EML6: variants seen among roughly 807,000 people sequenced by gnomAD.
EML6 encodes echinoderm microtubule-associated protein-like 6.
Under a neutral mutation model 240.1 loss-of-function variants are expected in EML6, and 154 were observed. That is an observed-to-expected ratio of 0.64 (90% confidence interval 0.56 to 0.73). The LOEUF (loss-of-function observed/expected upper bound fraction) is 0.73, where lower values mean the gene tolerates loss of function less well. Ranked by LOEUF, EML6 falls within the 30% of genes least tolerant of loss-of-function variation. The probability of loss-of-function intolerance (pLI) is 0.00; values close to 1 mark genes in which losing one functional copy is unlikely to be tolerated. For missense variants in EML6, 2,964 were observed against 2,474.6 expected (o/e 1.20, Z -4.20); for synonymous variants, 1,148 against 899.0 (o/e 1.28, Z -4.95).
chr2:54,895,158 A>G, intron 20 of EML6, 115 bp from the exon 21 acceptor site: 1 of 1,331,224 alleles, frequency 7.5e-7, no homozygotes. Flanking sequence ...TTCCTCTGGT[A>G]GAAATGTCAA....
chr2:54,730,058 C>T (rs1683086248), intron 2 of EML6, among the ~76,000 whole-genome samples: 1 of 152,024 alleles, frequency 6.6e-6, no homozygotes, highest in Non-Finnish European at 1.5e-5. Flanking sequence ...ATCTCTTTGG[C>T]CCAGGAGGCA....
intron 2 of EML6, among the ~76,000 whole-genome samples, chr2:54,751,959 T>C (rs1427628055): frequency 6.6e-6 from 1 of 152,202 alleles, no homozygotes; most frequent in African/African-American, 2.4e-5. Flanking sequence ...ATTTTGTGTA[T>C]TTAACTATTT....
At position 54,967,231 on chromosome 2, in the gene EML6, G is replaced by A. The variant is rs1036043839; in HGVS notation, c.5597+128G>A. The A allele has an allele frequency of 9.5e-6, 6 of 633,766 alleles. No individual in the cohort carries two copies. The Admixed American group carries it at 1.1e-4, about 12-fold the overall frequency. 39.3% of individuals were successfully genotyped at this position (633,766 alleles called of 1,614,324 possible). ...AAATGGAGCTGTCTTTTCTTTTGGG[G>A]GTGAGGGTGGGAGGCTTCTTGGCTA... On this transcript the variant is annotated intron_variant, in intron 39 of 41. Coordinates refer to ENST00000356458, the MANE Select transcript of EML6 (RefSeq NM_001039753.4).
chr2:54,807,432 T>G (rs943782387), intron 2 of EML6, among the ~76,000 whole-genome samples: 33 of 152,248 alleles, frequency 2.2e-4, no homozygotes, highest in Admixed American at 1.9e-3. Context: ...CTTTTATGTT[T>G]ATTCTGCATT....
intron 35 of EML6, among the ~76,000 whole-genome samples, chr2:54,960,844 G>A (rs934356994): frequency 6.6e-6 from 1 of 152,066 alleles, no homozygotes; most frequent in African/African-American, 2.4e-5. Context: ...ATGGATGTCC[G>A]GGCACCCACC....
At chr2:54,804,281 A>C (rs1430893408) in intron 2 of EML6, among the ~76,000 whole-genome samples, 1 of 152,258 alleles carries the variant, frequency 6.6e-6, no homozygotes, top group Non-Finnish European at 1.5e-5. Context: ...GACTTCTGCC[A>C]GATACAACCC....
chr2:54,771,856 TA>T (rs1438610730), intron 2 of EML6, among the ~76,000 whole-genome samples: 2 of 152,244 alleles, frequency 1.3e-5, no homozygotes, highest in Non-Finnish European at 2.9e-5. Context: ...AGATTAGAAT[TA>T]AATTGACTAG....
intron 5 of EML6, among the ~76,000 whole-genome samples, chr2:54,823,682 T>G (rs777560771): frequency 2.6e-5 from 4 of 152,110 alleles, no homozygotes; most frequent in African/African-American, 7.2e-5. Flanking sequence ...TCTGGAAATC[T>G]GGGACCCTAT....
intron 7 of EML6, among the ~76,000 whole-genome samples, chr2:54,833,567 C>A (rs758487232): frequency 2.0e-4 from 31 of 152,208 alleles, no homozygotes; most frequent in Non-Finnish European, 4.3e-4. Flanking sequence ...GGGTCACATT[C>A]ACATCAAGAA....
chr2:54,942,010 G>C (rs1329765793), intron 28 of EML6, among the ~76,000 whole-genome samples: 1 of 152,188 alleles, frequency 6.6e-6, no homozygotes, highest in Non-Finnish European at 1.5e-5. Flanking sequence ...TCCACTAAAA[G>C]CTGAATCATT....
chr2:54,848,845 C>T (rs78900542), intron 9 of EML6, among the ~76,000 whole-genome samples: 2 of 152,164 alleles, frequency 1.3e-5, no homozygotes, highest in African/African-American at 4.8e-5. Context: ...TCACTGTATT[C>T]ATGACAGTGA....
At chr2:54,926,513 C>T (rs1487912829) in intron 26 of EML6, among the ~76,000 whole-genome samples, 1 of 152,238 alleles carries the variant, frequency 6.6e-6, no homozygotes, top group Non-Finnish European at 1.5e-5. Flanking sequence ...GGCTTGAAGA[C>T]CCAGAAAGGT....
chr2:54,885,044 C>T (rs935667377), intron 17 of EML6, among the ~76,000 whole-genome samples: 1 of 152,086 alleles, frequency 6.6e-6, no homozygotes, highest in African/African-American at 2.4e-5. Flanking sequence ...GTAGTCCCAG[C>T]TGCTTGGGAG....
At chr2:54,771,767 A>T (rs931175909) in intron 2 of EML6, among the ~76,000 whole-genome samples, 6 of 152,230 alleles carry the variant, frequency 3.9e-5, no homozygotes, top group Non-Finnish European at 7.3e-5. Flanking sequence ...GAGGCATAAA[A>T]TGATTATACA....
At chr2:54,946,764 G>A (rs1449998456) in intron 28 of EML6, among the ~76,000 whole-genome samples, 2 of 152,122 alleles carry the variant, frequency 1.3e-5, no homozygotes, top group East Asian at 3.8e-4. Context: ...ACCGCGAAGG[G>A]TCAATACTTA....
At chr2:54,790,507 A>G (rs915385976) in intron 2 of EML6, among the ~76,000 whole-genome samples, 40 of 152,204 alleles carry the variant, frequency 2.6e-4, no homozygotes, top group Admixed American at 1.2e-3. Flanking sequence ...ACCATACTCT[A>G]TTGTCACCAC....
At chr2:54,799,564 C>G (rs1217660158) in intron 2 of EML6, among the ~76,000 whole-genome samples, 2 of 152,094 alleles carry the variant, frequency 1.3e-5, no homozygotes, top group African/African-American at 2.4e-5. Context: ...AGGATGGTCT[C>G]GATCTCCTGA....
At chr2:54,729,237 T>C (rs1175027156) in intron 2 of EML6, among the ~76,000 whole-genome samples, 1 of 152,248 alleles carries the variant, frequency 6.6e-6, no homozygotes, top group Non-Finnish European at 1.5e-5. Context: ...CAAAGCCCTA[T>C]CTGCTGCAGT....
At chr2:54,907,978 T>C (rs1673437440) in intron 24 of EML6, among the ~76,000 whole-genome samples, 1 of 101,458 alleles carries the variant, frequency 9.9e-6, no homozygotes, top group African/African-American at 3.7e-5. Context: ...GATAGATAGA[T>C]AGATAGATAG....
Sources: allele counts gnomAD v4.1 joint callset (sites outside exome capture counted in the v4.1 genomes callset), GRCh38; gene constraint gnomAD v4.1.1; transcripts MANE v1.5; gene names NCBI Gene and HGNC (gene_info 2026-07-23, HGNC 2026-07-21).